SLC9B2: variants seen among roughly 807,000 people sequenced by gnomAD.
SLC9B2 encodes sodium/hydrogen exchanger 9B2.
SLC9B2 carries 39 observed loss-of-function variants against 52.2 expected under a neutral mutation model. The ratio of observed to expected loss-of-function variants is 0.75; its 90% CI spans 0.58 to 0.98. The LOEUF is 0.98. SLC9B2 is among the 50% of genes least tolerant of loss of function. The probability of loss-of-function intolerance (pLI) is 0.00; values close to 1 mark genes in which losing one functional copy is unlikely to be tolerated. For missense variants in SLC9B2, 626 were observed against 637.5 expected (o/e 0.98, Z 0.19); for synonymous variants, 214 against 227.0 (o/e 0.94, Z 0.51).
chr4:103,019,782 GC>G, downstream of SLC9B2: 3 of 985,602 alleles, frequency 3.0e-6, no homozygotes, highest in South Asian at 4.7e-5. Flanking sequence ...GGCTGTCCGC[GC>G]CGGCAGAGGC....
intron 3 of SLC9B2, chr4:103,065,496 TTATC>T (rs1224138496): frequency 1.3e-5 from 2 of 152,178 alleles, no homozygotes; most frequent in Non-Finnish European, 2.9e-5. Flanking sequence ...ACATACAATT[TTATC>T]TATCAATGTA....
chr4:103,028,505 A>G (rs1273808849), intron 11 of SLC9B2, among the ~76,000 whole-genome samples: 1 of 152,156 alleles, frequency 6.6e-6, no homozygotes, highest in Non-Finnish European at 1.5e-5. Context: ...TTCTAGTAGA[A>G]TAGGGATTTA....
chr4:103,035,107 T>C (rs1743044990), intron 9 of SLC9B2, among the ~76,000 whole-genome samples: 1 of 152,112 alleles, frequency 6.6e-6, no homozygotes, highest in African/African-American at 2.4e-5. Flanking sequence ...ACCCATTAGT[T>C]ATATTTTTCC....
In SLC9B2 at chr4:103,024,803, A is replaced by G. The variant is rs942812758; in HGVS notation, c.*1567T>C. ...ACACAGAAGATGACCTAGAGTGAAG[A>G]GGAACTTATGAGTGATACACAAAAG... On this transcript the variant is annotated 3_prime_UTR_variant, in exon 12 of 12. Coordinates refer to ENST00000394785, the MANE Select transcript of SLC9B2 (RefSeq NM_178833.7). Among the ~76,000 whole-genome samples, 10 of 152,210 alleles carry G rather than the reference A, an allele frequency of 6.6e-5. No individual in the cohort carries two copies. Among genetic ancestry groups the G allele is most frequent in the Admixed American group, 2.6e-4 (4 of 15,278 alleles).
chr4:103,066,487 G>A lies in SLC9B2; in HGVS notation c.111C>T (p.Leu37=), dbSNP rs1289715607. 6 of 1,613,384 alleles carry A rather than the reference G, an allele frequency of 3.7e-6. No homozygotes were observed. The highest frequency in any genetic ancestry group is 5.1e-6 in the Non-Finnish European group (6 of 1,179,760). ...QEAQEETVMK[L]KGIDANEPTE... ...TTGGTTCATTTGCATCTATACCTTT[G>A]AGCTTCATAACTGTCTCCTCCTGTG... The change falls in exon 3 of 12, where the codon CTC becomes CTT. Residue 37 remains leucine (L), a synonymous_variant. Transcript: ENST00000394785.
intron 2 of SLC9B2, among the ~76,000 whole-genome samples, chr4:103,067,213 TTAATC>T (rs1257807990): frequency 2.5e-4 from 38 of 152,302 alleles, no homozygotes; most frequent in South Asian, 4.1e-4. Context: ...TTCACATTCA[TTAATC>T]TACTTGAATT....
At position 103,026,146 on chromosome 4, in the gene SLC9B2, G is replaced by T; in HGVS notation, c.*224C>A. 1 of 439,698 alleles carries T rather than the reference G, an allele frequency of 2.3e-6. No homozygotes were observed. The allele number at this position is 439,698 out of a possible 1,614,324, so 27.2% of individuals were successfully genotyped here. ...ATATGTCCTTATGCAAATTAAGATG[G>T]ATGATGAAGGGGTGTTTGAAAAAAA... On this transcript the variant is annotated 3_prime_UTR_variant, in exon 12 of 12. Coordinates refer to ENST00000394785, the MANE Select transcript of SLC9B2 (RefSeq NM_178833.7).
In SLC9B2 at chr4:103,066,512, GT is replaced by G. The variant is rs759700748; in HGVS notation, c.91-6del. The G allele has an allele frequency of 1.9e-6, 3 of 1,603,640 alleles. No homozygotes were observed. In the South Asian group the frequency reaches 3.4e-5, roughly 18 times the overall value. On this transcript the variant is annotated splice_region_variant and splice_polypyrimidine_tract_variant and intron_variant, in intron 2 of 11. Coordinates refer to ENST00000394785, the MANE Select transcript of SLC9B2 (RefSeq NM_178833.7). ...GAGCTTCATAACTGTCTCCTCCTGT[GT>G]TTAAAGTAATTTTAAAAATCCTTAA...
intron 11 of SLC9B2, 39 bp from the exon 12 acceptor site, chr4:103,026,630 A>G: frequency 1.3e-6 from 2 of 1,539,462 alleles, no homozygotes; most frequent in Non-Finnish European, 1.8e-6. Flanking sequence ...TCATGATAAG[A>G]TAAGCACATA....
chr4:103,063,340 C>A (rs1745831562), intron 3 of SLC9B2, among the ~76,000 whole-genome samples: 3 of 152,094 alleles, frequency 2.0e-5, no homozygotes. Flanking sequence ...GACTTGGTTT[C>A]ATTAAAAACA....
intron 9 of SLC9B2, among the ~76,000 whole-genome samples, chr4:103,034,143 A>G (rs1264656062): frequency 1.3e-5 from 2 of 152,176 alleles, no homozygotes; most frequent in Non-Finnish European, 2.9e-5. Flanking sequence ...TAATCCAGAA[A>G]CAAAACTGCA....
intron 4 of SLC9B2, among the ~76,000 whole-genome samples, chr4:103,051,638 T>G (rs1479817251): frequency 6.6e-6 from 1 of 152,268 alleles, no homozygotes; most frequent in East Asian, 1.9e-4. Context: ...TGACAAAATG[T>G]AAAGTGACAA....
At chr4:103,050,094 C>T (rs1744532784) in intron 5 of SLC9B2, 146 bp downstream of exon 5, 1 of 726,976 alleles carries the variant, frequency 1.4e-6, no homozygotes, top group East Asian at 3.4e-5. Context: ...CAAAACAATC[C>T]TCCATGAAAT....
At chr4:103,042,791 CTAAAA>C (rs1743747101) in intron 9 of SLC9B2, among the ~76,000 whole-genome samples, 1 of 151,422 alleles carries the variant, frequency 6.6e-6, no homozygotes, top group African/African-American at 2.4e-5. Flanking sequence ...ATTGTATAAA[CTAAAA>C]TATATACTAT....
chr4:103,038,920 T>C (rs1393432186), intron 9 of SLC9B2, among the ~76,000 whole-genome samples: 2 of 152,182 alleles, frequency 1.3e-5, no homozygotes, highest in African/African-American at 2.4e-5. Context: ...AAGCACAAAG[T>C]ATAAAATAAT....
At chr4:103,066,189 A>G in intron 3 of SLC9B2, 138 bp downstream of exon 3, 2 of 960,510 alleles carry the variant, frequency 2.1e-6, no homozygotes, top group Non-Finnish European at 3.1e-6. Context: ...AGAGCCACCC[A>G]TGTGTGTGAA....
chr4:103,049,972 C>T (rs1040214473), intron 5 of SLC9B2, among the ~76,000 whole-genome samples: 6 of 150,642 alleles, frequency 4.0e-5, no homozygotes, highest in African/African-American at 7.3e-5. Flanking sequence ...GAGATCAAGC[C>T]GCTGTACTCC....
chr4:103,060,524 G>T, intron 3 of SLC9B2, among the ~76,000 whole-genome samples: 1 of 130,844 alleles, frequency 7.6e-6, no homozygotes, highest in African/African-American at 2.9e-5. Flanking sequence ...GTTTCCTTTT[G>T]CATGTTTTTT....
chr4:103,041,495 C>A (rs1254820356), intron 9 of SLC9B2, among the ~76,000 whole-genome samples: 3 of 152,172 alleles, frequency 2.0e-5, no homozygotes, highest in Admixed American at 1.3e-4. Flanking sequence ...CCCTTTCCCT[C>A]CTTTTTCTTT....
Sources: gnomAD v4.1 joint callset for allele counts (sites outside exome capture counted in the v4.1 genomes callset) on GRCh38, gnomAD v4.1.1 for gene constraint, MANE v1.5 for transcripts, NCBI Gene and HGNC (gene_info 2026-07-23, HGNC 2026-07-21) for gene names.